NBPF9: variants seen among roughly 807,000 people sequenced by gnomAD.
NBPF9 encodes the protein NBPF family member NBPF9.
In NBPF9, 91 loss-of-function variants were observed where a neutral mutation model predicts 97.8. That is an observed-to-expected ratio of 0.93 (90% confidence interval 0.79 to 1.11). NBPF9 has a LOEUF of 1.11. Ranked by LOEUF, NBPF9 falls within the 50% of genes least tolerant of loss-of-function variation. The pLI, the probability that NBPF9 is intolerant of heterozygous loss-of-function variation, is 0.00. For synonymous variants in NBPF9, 334 were observed against 359.5 expected (o/e 0.93, Z 0.80); for missense variants, 992 against 939.5 (o/e 1.06, Z -0.73).
intron 4 of NBPF9, among the ~76,000 whole-genome samples, chr1:149,092,993 G>C (rs2081503823): frequency 6.6e-6 from 1 of 151,640 alleles, no homozygotes; most frequent in Non-Finnish European, 1.5e-5. Context: ...GGGCCCAGGG[G>C]ACCGGCGTTC....
At chr1:149,102,918 G>A (rs1303788832) in intron 1 of NBPF9, 71 bp from the exon 2 acceptor site, 5 of 151,540 alleles carry the variant, frequency 3.3e-5, no homozygotes, top group East Asian at 3.9e-4. Context: ...AGGGGCGCGA[G>A]TGGTCTCGCT....
At chr1:149,056,101 G>A (rs1553648910) in intron 29 of NBPF9, among the ~76,000 whole-genome samples, 1 of 118,902 alleles carries the variant, frequency 8.4e-6, no homozygotes, top group African/African-American at 2.8e-5. Flanking sequence ...AAGACAGAGA[G>A]AGAAAGACAG....
intron 14 of NBPF9, among the ~76,000 whole-genome samples, chr1:149,071,958 C>A (rs1418879520): frequency 2.0e-5 from 3 of 150,050 alleles, no homozygotes; most frequent in Non-Finnish European, 3.0e-5. Context: ...TGGACGTTGG[C>A]AGCTGTCTCC....
chr1:149,082,173 G>A (rs1191338640), exon 7 of NBPF9: 15 of 1,611,846 alleles, frequency 9.3e-6, no homozygotes, highest in Non-Finnish European at 1.3e-5. Context: ...TGGGGCCAGG[G>A]ACTGGGGAGA....
At chr1:149,076,288 C>T (rs1553654301) in intron 11 of NBPF9, among the ~76,000 whole-genome samples, 4 of 151,146 alleles carry the variant, frequency 2.6e-5, no homozygotes, top group Non-Finnish European at 5.9e-5. Context: ...ACCTCTGCCG[C>T]CCGGGTTCAA....
At position 149,087,451 on chromosome 1, in the gene NBPF9, T is replaced by C. The variant is rs587699275; in HGVS notation, c.-195+3302A>G. Among the ~76,000 whole-genome samples the C allele has an allele frequency of 3.6e-4, 54 of 151,238 alleles. 2 individuals are homozygous for C. The South Asian group carries it at 0.011, about 31-fold the overall frequency. ...TGGATTCTCTCTTCTCTTCCACTGATATATATTCCATTTTTTTTTTCAACA... is the reference window on the plus strand; with the variant it reads ...TGGATTCTCTCTTCTCTTCCACTGACATATATTCCATTTTTTTTTTCAACA... On this transcript the variant is annotated intron_variant, in intron 5 of 29. Coordinates refer to ENST00000584027, the Ensembl canonical transcript of NBPF9.
intron 29 of NBPF9, among the ~76,000 whole-genome samples, chr1:149,056,117 G>C (rs1294822129): frequency 2.6e-5 from 4 of 152,074 alleles, no homozygotes; most frequent in Non-Finnish European, 1.5e-5. Flanking sequence ...GACAGAGACA[G>C]AGACAGAGAG....
In NBPF9 at chr1:149,063,645, C is replaced by G. The variant is rs587661380; in HGVS notation, c.2014G>C (p.Val672Leu). ...GAAAGGTACTCACCATCCATGTCAA[C>G]AGCCAAGCCAACACGCTGTTGCTCC... The change falls in exon 20 of 30, where the codon GTT becomes CTT. Residue 672 changes from valine (V) to leucine (L), a missense_variant. Around this residue, in one of 11 missense-constraint regions of NBPF9, gnomAD observed 397 missense variants for 213.6 expected, o/e 1.86. Coordinates refer to ENST00000584027, the Ensembl canonical transcript of NBPF9. The G allele has an allele frequency of 4.5e-3, 2,695 of 600,858 alleles. 5 individuals carry two copies. Among genetic ancestry groups the G allele is most frequent in the Non-Finnish European group, 5.7e-3 (1,966 of 346,428 alleles). 37.2% of individuals were successfully genotyped at this position (600,858 alleles called of 1,614,324 possible). A position where few individuals can be genotyped will look rare whatever the true frequency, so the allele number is the denominator to read the frequency against.
intron 16 of NBPF9, among the ~76,000 whole-genome samples, chr1:149,070,319 G>A (rs480678): frequency 1.5e-4 from 7 of 46,034 alleles, no homozygotes; most frequent in African/African-American, 4.3e-4. Context: ...AGACTCCATC[G>A]CAAAAAAAAA....
In NBPF9 at chr1:149,076,508, T is replaced by TA. The variant is rs1375206404; in HGVS notation, c.779-645_779-644insT. ...AGCGCCCCTGGTCAGAGACTTTATTTTTTTTTTTTTTTGAGATGGAGTCTC... is the reference window on the plus strand; with the variant it reads ...AGCGCCCCTGGTCAGAGACTTTATTTATTTTTTTTTTTTGAGATGGAGTCTC... On this transcript the variant is annotated intron_variant, in intron 11 of 29. Transcript: ENST00000584027. Among the ~76,000 whole-genome samples, 5 of 147,202 alleles carry TA rather than the reference T, an allele frequency of 3.4e-5. 1 individual carries two copies. Among genetic ancestry groups the TA allele is most frequent in the Non-Finnish European group, 7.5e-5 (5 of 66,398 alleles).
At chr1:149,057,736 C>CAA (rs1575821110) in intron 27 of NBPF9, among the ~76,000 whole-genome samples, 30 of 102,542 alleles carry the variant, frequency 2.9e-4, no homozygotes, top group African/African-American at 8.2e-4. Flanking sequence ...CACACACACA[C>CAA]ACACACACAC....
chr1:149,080,451 C>T (rs587628324), intron 7 of NBPF9, among the ~76,000 whole-genome samples: 96 of 150,956 alleles, frequency 6.4e-4, no homozygotes, highest in South Asian at 1.3e-3. Flanking sequence ...ACTCTGAATG[C>T]GGGGCCACTT....
intron 5 of NBPF9, among the ~76,000 whole-genome samples, chr1:149,086,956 T>G (rs1181516531): frequency 3.3e-5 from 5 of 152,084 alleles, no homozygotes. Flanking sequence ...AAGAAACTGT[T>G]AGATTTTCAA....
At chr1:149,068,463 C>T (rs1366730425) in intron 17 of NBPF9, among the ~76,000 whole-genome samples, 1 of 147,794 alleles carries the variant, frequency 6.8e-6, no homozygotes, top group Non-Finnish European at 1.5e-5. Flanking sequence ...CAAAAAAAGG[C>T]AGGGGTTGCA....
exon 12 of NBPF9, chr1:149,075,757 G>T (rs781856643): frequency 1.3e-6 from 2 of 1,584,688 alleles, no homozygotes; most frequent in South Asian, 1.1e-5. Flanking sequence ...AGCTGGGGGC[G>T]CAATTTCTCA....
rs1424631185 is a variant in NBPF9, at chr1:149,073,740, C to G, written c.1091+28G>C. ...CTTCAGAGATTTACACACCTGCCCC[C>G]CTGCCTGCCCCCATGGGGTCCCCTC... On this transcript the variant is annotated intron_variant, in intron 13 of 29. Transcript: ENST00000584027. 17 of 1,553,120 alleles carry G rather than the reference C, an allele frequency of 1.1e-5. No homozygotes were observed. The South Asian group carries it at 1.6e-4, about 14-fold the overall frequency.
intron 5 of NBPF9, among the ~76,000 whole-genome samples, chr1:149,082,641 G>T (rs2080581510): frequency 7.1e-6 from 1 of 140,840 alleles, no homozygotes; most frequent in Non-Finnish European, 1.5e-5. Context: ...ATACATCTAA[G>T]CATATTCCTC....
intron 23 of NBPF9, 118 bp downstream of exon 23, chr1:149,061,214 G>T (rs1447179804): frequency 3.2e-6 from 1 of 311,842 alleles, no homozygotes; most frequent in African/African-American, 3.2e-5. Flanking sequence ...ATGTTAGTAG[G>T]AATAATTCAG....
chr1:149,076,744 C>T (rs369367192), intron 11 of NBPF9, among the ~76,000 whole-genome samples: 1 of 148,686 alleles, frequency 6.7e-6, no homozygotes, highest in African/African-American at 2.5e-5. Flanking sequence ...TCCTGACCTC[C>T]TGATCCACCC....
Sources: allele counts gnomAD v4.1 joint callset (sites outside exome capture counted in the v4.1 genomes callset), GRCh38; gene constraint gnomAD v4.1.1; regional missense constraint gnomAD v4.1.1; transcripts MANE v1.5; gene names NCBI Gene and HGNC (gene_info 2026-07-23, HGNC 2026-07-21).